Variants in PARP6 observed in about 807,000 individuals in gnomAD.
PARP6 encodes protein mono-ADP-ribosyltransferase PARP6.
PARP6 carries 27 observed loss-of-function variants against 92.0 expected under a neutral mutation model. The observed-to-expected ratio is 0.29, with a 90% CI of 0.22 to 0.40. PARP6 has a LOEUF of 0.40. Among genes scored for constraint, PARP6 ranks in the 10% least tolerant of loss-of-function variants. The pLI, the probability that PARP6 is intolerant of heterozygous loss-of-function variation, is 1.00. For synonymous variants in PARP6, 272 were observed against 281.2 expected (o/e 0.97, Z 0.33); for missense variants, 501 against 784.5 (o/e 0.64, Z 4.32).
chr15:72,253,377 C>G lies in PARP6; in HGVS notation c.1259+60G>C, dbSNP rs1424700950. 4 of 1,327,220 alleles carry G rather than the reference C, an allele frequency of 3.0e-6. No homozygotes were observed. In the Admixed American group the frequency reaches 6.7e-5, roughly 22 times the overall value. 82.2% of individuals were successfully genotyped at this position (1,327,220 alleles called of 1,614,324 possible). A position where few individuals can be genotyped will look rare whatever the true frequency, so the allele number is the denominator to read the frequency against. Reference sequence around the variant, plus strand: ...CACCACTAAAAGAAGGTACAGGTTCCATGTCCAATAACTCCCTCCCTCCCC... The same window carrying G: ...CACCACTAAAAGAAGGTACAGGTTCGATGTCCAATAACTCCCTCCCTCCCC... On this transcript the variant is annotated intron_variant, in intron 16 of 23. Transcript: ENST00000569795.
intron 2 of PARP6, among the ~76,000 whole-genome samples, chr15:72,268,156 C>T (rs141870662): frequency 6.6e-6 from 1 of 152,246 alleles, no homozygotes; most frequent in East Asian, 1.9e-4. Flanking sequence ...GATAATGAAA[C>T]ACAAAAGCAC....
chr15:72,272,045 C>G (rs1321009953), intron 1 of PARP6, among the ~76,000 whole-genome samples: 1 of 152,204 alleles, frequency 6.6e-6, no homozygotes, highest in Non-Finnish European at 1.5e-5. Flanking sequence ...ATCCCGTGTG[C>G]TCCCTTCTCA....
Position 72,253,450 on chromosome 15 carries a change from G to A in PARP6, c.1246C>T (p.Pro416Ser). Residue 416 changes from proline (P) to serine (S), a missense_variant, in exon 16 of 24, where the codon CCT becomes TCT. Transcript: ENST00000569795. ...TTCTATCCATACCACTGCAGGAGAG[G>A]ATGGGCCAGGGGATCCAACTTGTCC... ...QMDKLDPLAH[P>S]LLQWIISSNR... is the part of the protein sequence containing the mutation. 1 of 1,613,448 alleles carries A rather than the reference G, an allele frequency of 6.2e-7. No individual in the cohort carries two copies. The highest frequency in any genetic ancestry group is 1.1e-5 in the South Asian group (1 of 91,072).
chr15:72,241,930 G>A lies in PARP6; in HGVS notation c.1761C>T (p.Ser587=), dbSNP rs767667723. 3.7e-6 allele frequency: 6 copies of A among 1,613,326 alleles called. No homozygotes were observed. The highest frequency in any genetic ancestry group is 3.3e-5 in the Admixed American group (2 of 59,988). ...AGAAGAATCTTGTGCAGACATGGTC[G>A]GACACAGGGCACACCCAGATGTTCC... The part of the protein sequence containing the change: ...KHGNIWVCPV[S]DHVCTRFFFV... The change falls in exon 23 of 24, where the codon TCC becomes TCT. Residue 587 remains serine (S), a synonymous_variant. Transcript: ENST00000569795. The surrounding 1 kb of genome is among the most constrained non-coding windows in gnomAD (Gnocchi z 4.1).
rs1294936939 is a variant in PARP6 at position 72,241,660 on chromosome 15, G to A, written c.1791-103C>T. The A allele has an allele frequency of 1.1e-6, 1 of 938,544 alleles. No homozygotes were observed. Among genetic ancestry groups the A allele is most frequent in the Non-Finnish European group, 1.7e-6 (1 of 590,766 alleles). 58.1% of individuals were successfully genotyped at this position (938,544 alleles called of 1,614,324 possible). On this transcript the variant is annotated intron_variant, in intron 23 of 23. Coordinates refer to ENST00000569795, the MANE Select transcript of PARP6 (RefSeq NM_001323532.2). This position sits in a 1 kb window ranked among gnomAD's most constrained non-coding sequence, Gnocchi z 4.1. ...AAGGTATGGCCATCCCATCCCAGAA[G>A]TCAAAGCCCTTTCTCACTGCTTCAT... is the stretch of plus-strand genomic sequence containing the variant.
intron 4 of PARP6, among the ~76,000 whole-genome samples, chr15:72,266,396 G>A (rs2086593836): frequency 6.6e-6 from 1 of 152,166 alleles, no homozygotes; most frequent in African/African-American, 2.4e-5. Flanking sequence ...ACTGTGCCCT[G>A]GGTAGTGATG....
intron 5 of PARP6, 21 bp downstream of exon 5, chr15:72,265,876 A>AC (rs1340539753): frequency 1.3e-6 from 2 of 1,536,166 alleles, no homozygotes; most frequent in Admixed American, 3.3e-5. Flanking sequence ...CTCCCCTGCC[A>AC]CCCCTGAAGT....
Position 72,254,532 on chromosome 15 carries a change from C to T in PARP6, c.1126-12G>A, listed in dbSNP as rs1165656098. 5.6e-6 allele frequency: 9 copies of T among 1,601,580 alleles called. No homozygotes were observed. Among genetic ancestry groups the T allele is most frequent in the Non-Finnish European group, 6.8e-6 (8 of 1,168,998 alleles). ...TCATAATTCTTCTTCTGTGGAGAATCAATGGGAAGAGAAGAACCAAATAAA... is the reference window on the plus strand; with the variant it reads ...TCATAATTCTTCTTCTGTGGAGAATTAATGGGAAGAGAAGAACCAAATAAA... On this transcript the variant is annotated splice_polypyrimidine_tract_variant and intron_variant, in intron 14 of 23. Transcript: ENST00000569795.
intron 20 of PARP6, chr15:72,245,288 G>T (rs965537647): frequency 1.3e-5 from 2 of 152,210 alleles, no homozygotes; most frequent in African/African-American, 4.8e-5. Flanking sequence ...GCGTGAACCC[G>T]GGAGGTAGAG....
chr15:72,259,167 T>C (rs551296393), intron 11 of PARP6, among the ~76,000 whole-genome samples: 15 of 152,274 alleles, frequency 9.9e-5, no homozygotes, highest in African/African-American at 3.1e-4. Flanking sequence ...AAGAATTACA[T>C]GAACAAAGGT....
Position 72,242,282 on chromosome 15 carries a change from A to C in PARP6, c.1642-62T>G. On this transcript the variant is annotated intron_variant, in intron 21 of 23. Transcript: ENST00000569795. The surrounding 1 kb of genome is among the most constrained non-coding windows in gnomAD (Gnocchi z 4.3). ...TAGATGGGTACAGCTTTCCCTAGAG[A>C]GGCTGGTTAGCTGATGATTGGGAGT... is the stretch of plus-strand genomic sequence containing the variant. 3 of 1,338,960 alleles carry C rather than the reference A, an allele frequency of 2.2e-6. No homozygotes were observed. The highest frequency in any genetic ancestry group is 3.2e-6 in the Non-Finnish European group (3 of 932,214). 82.9% of individuals were successfully genotyped at this position (1,338,960 alleles called of 1,614,324 possible).
chr15:72,266,616 G>A, intron 4 of PARP6, 129 bp downstream of exon 4: 2 of 715,606 alleles, frequency 2.8e-6, no homozygotes, highest in Non-Finnish European at 5.0e-6. Context: ...ACAAGACCAT[G>A]CTCAGACCAC....
In PARP6 at chr15:72,265,461, A is replaced by G; in HGVS notation, c.189T>C (p.Thr63=). 2.5e-6 allele frequency: 4 copies of G among 1,613,124 alleles called. No individual in the cohort carries two copies. Among genetic ancestry groups the G allele is most frequent in the Non-Finnish European group, 3.4e-6 (4 of 1,179,052 alleles). ...ENSVSIREYG[T]IDDVDIDLHI... ...GGAGGTCAATGTCCACGTCATCGAT[A>G]GTTCCATATTCTCTATAGAGATACA... The change falls in exon 6 of 24, where the codon ACT becomes ACC. Residue 63 remains threonine (T), a synonymous_variant. Transcript: ENST00000569795.
At chr15:72,264,282 G>T (rs1315737684) in intron 8 of PARP6, among the ~76,000 whole-genome samples, 2 of 152,162 alleles carry the variant, frequency 1.3e-5, no homozygotes, top group African/African-American at 4.8e-5. Context: ...TGAATAGCAT[G>T]ACTCTGATTT....
intron 20 of PARP6, 153 bp downstream of exon 20, chr15:72,249,092 A>ATCT (rs2083995050): frequency 2.3e-6 from 1 of 431,442 alleles, no homozygotes; most frequent in Non-Finnish European, 4.2e-6. Context: ...TAATAAGAAA[A>ATCT]TGTAGAGAGA....
At chr15:72,260,728 T>TCCTATGAAATCCCCAG in intron 9 of PARP6, 40 bp from the exon 10 acceptor site, 1 of 1,485,428 alleles carries the variant, frequency 6.7e-7, no homozygotes, top group Non-Finnish European at 9.4e-7. Context: ...AAACTGGGGA[T>TCCTATGAAATCCCCAG]TTCATAGGAT....
chr15:72,258,676 T>C (rs1428971038), intron 11 of PARP6, among the ~76,000 whole-genome samples: 1 of 152,228 alleles, frequency 6.6e-6, no homozygotes, highest in Non-Finnish European at 1.5e-5. Flanking sequence ...AATTCTGTGC[T>C]AGGAAGATAG....
At chr15:72,257,506 AC>A (rs1204085793) in intron 12 of PARP6, 66 bp from the exon 13 acceptor site, 2 of 1,284,936 alleles carry the variant, frequency 1.6e-6, no homozygotes, top group Non-Finnish European at 2.3e-6. Flanking sequence ...GCAGAGAGGG[AC>A]AGTCCTAACC....
intron 16 of PARP6, among the ~76,000 whole-genome samples, chr15:72,251,528 C>G (rs1567183146): frequency 1.3e-5 from 2 of 150,962 alleles, no homozygotes; most frequent in African/African-American, 4.9e-5. Context: ...GGGAGGAGTG[C>G]TGCTACAAGT....
Sources: allele counts gnomAD v4.1 joint callset (sites outside exome capture counted in the v4.1 genomes callset), GRCh38; gene constraint gnomAD v4.1.1; non-coding constraint Gnocchi (gnomAD v3.1); transcripts MANE v1.5; gene names NCBI Gene and HGNC (gene_info 2026-07-23, HGNC 2026-07-21).